The following FARP1 variants were observed in gnomAD, a reference collection of about 807,000 sequenced individuals.
The protein encoded by FARP1 is FERM, ARH/RhoGEF and pleckstrin domain protein 1.
In FARP1, 52 loss-of-function variants were observed where a neutral mutation model predicts 128.8. The observed-to-expected ratio is 0.40, with a 90% CI of 0.32 to 0.51. The LOEUF is 0.51. Ranked by LOEUF, FARP1 falls within the 20% of genes least tolerant of loss-of-function variation. The pLI, the probability that FARP1 is intolerant of heterozygous loss-of-function variation, is 0.45. For missense variants in FARP1, 1,333 were observed against 1,367.9 expected, an observed-to-expected ratio of 0.97 and a Z score of 0.40; for synonymous variants, 580 against 551.8, an observed-to-expected ratio of 1.05 and a Z score of -0.72.
At chr13:98,342,832 T>A (rs544884595) in intron 2 of FARP1, among the ~76,000 whole-genome samples, 300 of 151,190 alleles carry the variant, frequency 2.0e-3, no homozygotes, top group African/African-American at 7.1e-3. Flanking sequence ...TGAGACCAGC[T>A]TGACCAACAT....
intron 2 of FARP1, among the ~76,000 whole-genome samples, chr13:98,291,333 A>G (rs1885436618): frequency 6.6e-6 from 1 of 152,100 alleles, no homozygotes; most frequent in African/African-American, 2.4e-5. Context: ...CTTCATGTTG[A>G]GTGGGCTGAG....
chr13:98,448,113 T>A (rs2139189670), intron 26 of FARP1, 123 bp from the exon 27 acceptor site: 1 of 783,612 alleles, frequency 1.3e-6, no homozygotes, highest in South Asian at 1.5e-5. Context: ...GCTCTTCTGC[T>A]GAAGTGGCAG....
In FARP1 at chr13:98,379,163, A is replaced by T. The variant is rs1171509408; in HGVS notation, c.496+1245A>T. On this transcript the variant is annotated intron_variant, in intron 6 of 26. Transcript: ENST00000319562. ...ATAATCTATATATAATATATATATA[A>T]TATATAATCTATATATAATATATAT... 2.6e-5 allele frequency among the ~76,000 whole-genome samples: 3 copies of T among 117,172 alleles called. 1 individual carries two copies. Among genetic ancestry groups the T allele is most frequent in the Non-Finnish European group, 3.3e-5 (2 of 60,128 alleles). 76.9% of individuals were successfully genotyped at this position (117,172 alleles called of 152,430 possible).
At chr13:98,194,860 G>A (rs765764110) in intron 1 of FARP1, among the ~76,000 whole-genome samples, 1 of 152,152 alleles carries the variant, frequency 6.6e-6, no homozygotes, top group Non-Finnish European at 1.5e-5. Flanking sequence ...CATCAGTGGC[G>A]GGTATCTACT....
At chr13:98,360,816 T>C (rs1888840565) in intron 3 of FARP1, among the ~76,000 whole-genome samples, 1 of 152,084 alleles carries the variant, frequency 6.6e-6, no homozygotes, top group Non-Finnish European at 1.5e-5. Context: ...CATGTGGATG[T>C]GTGAGTGTGT....
intron 2 of FARP1, among the ~76,000 whole-genome samples, chr13:98,241,969 G>A (rs1487466599): frequency 6.6e-6 from 1 of 152,154 alleles, no homozygotes; most frequent in Non-Finnish European, 1.5e-5. Flanking sequence ...ACCAGGCACG[G>A]TGGTATGTGC....
chr13:98,143,960 C>T (rs1191796730), intron 1 of FARP1, among the ~76,000 whole-genome samples: 1 of 151,884 alleles, frequency 6.6e-6, no homozygotes, highest in Non-Finnish European at 1.5e-5. Flanking sequence ...CCGCCGCTCG[C>T]CCACGCGCGG....
At chr13:98,178,726 G>A (rs1353936217) in intron 1 of FARP1, among the ~76,000 whole-genome samples, 1 of 152,228 alleles carries the variant, frequency 6.6e-6, no homozygotes, top group African/African-American at 2.4e-5. Flanking sequence ...GGATGAGGGA[G>A]AAGTTGTGTG....
Position 98,435,673 on chromosome 13 carries a change from G to T in FARP1, c.2241G>T (p.Leu747Phe). ...FQKLHELKKD[L>F]IGIDNLVVPG... ...AGCTGCACGAACTCAAGAAAGATTT[G>T]ATTGGCATTGACAATCTTGTGGTTC... Residue 747 changes from leucine (L) to phenylalanine (F), a missense_variant, in exon 19 of 27, where the codon TTG (leucine) becomes TTT (phenylalanine). By Grantham distance (22) the Leu-to-Phe change is conservative (BLOSUM62 0). Coordinates refer to ENST00000319562, the MANE Select transcript of FARP1 (RefSeq NM_005766.4). 1 of 1,614,150 alleles carries T rather than the reference G, an allele frequency of 6.2e-7. No homozygotes were observed. Among genetic ancestry groups the T allele is most frequent in the South Asian group, 1.1e-5 (1 of 91,082 alleles).
At position 98,303,121 on chromosome 13, in the gene FARP1, TAA is replaced by T. The variant is rs1331302635; in HGVS notation, c.172-40639_172-40638del. On this transcript the variant is annotated intron_variant, in intron 2 of 26. Coordinates refer to ENST00000319562, the MANE Select transcript of FARP1 (RefSeq NM_005766.4). ...CTCCAGAAACTTTATGCTGTGTGAA[TAA>T]AGTCAGATACACATGATGACGTGTT... Among the ~76,000 whole-genome samples, 2 of 152,208 alleles carry T rather than the reference TAA, an allele frequency of 1.3e-5. 1 individual carries two copies. Among genetic ancestry groups the T allele is most frequent in the African/African-American group, 4.8e-5 (2 of 41,442 alleles).
At chr13:98,375,875 C>G (rs919020083) in intron 5 of FARP1, among the ~76,000 whole-genome samples, 4 of 152,072 alleles carry the variant, frequency 2.6e-5, no homozygotes, top group African/African-American at 7.2e-5. Flanking sequence ...GTGATCCACC[C>G]GCCTCGGCCT....
chr13:98,236,559 T>C (rs1198236378), intron 2 of FARP1, among the ~76,000 whole-genome samples: 3 of 151,988 alleles, frequency 2.0e-5, no homozygotes, highest in Admixed American at 6.6e-5. Context: ...TATGTGACAA[T>C]TTGAAAAAAA....
intron 19 of FARP1, 38 bp from the exon 20 acceptor site, chr13:98,438,766 A>T (rs1230518008): frequency 6.3e-7 from 1 of 1,589,664 alleles, no homozygotes; most frequent in Non-Finnish European, 8.6e-7. Flanking sequence ...TGGGGTCCGC[A>T]CGCTCGCAGC....
chr13:98,339,113 G>A (rs1462854467), intron 2 of FARP1, among the ~76,000 whole-genome samples: 3 of 152,142 alleles, frequency 2.0e-5, no homozygotes, highest in African/African-American at 4.8e-5. Context: ...AGTCCACGTA[G>A]CACATTTGTA....
chr13:98,252,878 C>T (rs1228988852), intron 2 of FARP1, among the ~76,000 whole-genome samples: 2 of 152,212 alleles, frequency 1.3e-5, no homozygotes, highest in Non-Finnish European at 2.9e-5. Flanking sequence ...GCCTCAGATT[C>T]TCAGGGTGTT....
chr13:98,373,529 G>GAC (rs1555341442), intron 5 of FARP1, among the ~76,000 whole-genome samples: 26 of 79,244 alleles, frequency 3.3e-4, no homozygotes, highest in South Asian at 2.6e-3. Flanking sequence ...GAGACAGACA[G>GAC]ACAGACACAC....
chr13:98,257,063 C>G (rs1326554873), intron 2 of FARP1, among the ~76,000 whole-genome samples: 1 of 147,158 alleles, frequency 6.8e-6, no homozygotes. Flanking sequence ...TCTAAAAGAT[C>G]AAGCGTTCTT....
intron 2 of FARP1, among the ~76,000 whole-genome samples, chr13:98,216,205 C>T (rs971217940): frequency 2.0e-5 from 3 of 152,170 alleles, no homozygotes; most frequent in African/African-American, 7.2e-5. Flanking sequence ...GGAGCTGATT[C>T]TGAGTCAGTA....
chr13:98,377,618 G>T (rs1206886654), intron 5 of FARP1, among the ~76,000 whole-genome samples: 1 of 152,158 alleles, frequency 6.6e-6, no homozygotes, highest in Admixed American at 6.6e-5. Flanking sequence ...TATTCATACT[G>T]TGAAAAGATG....
Sources: gnomAD v4.1 joint callset for allele counts (sites outside exome capture counted in the v4.1 genomes callset) on GRCh38, gnomAD v4.1.1 for gene constraint, MANE v1.5 for transcripts, NCBI Gene and HGNC (gene_info 2026-07-23, HGNC 2026-07-21) for gene names.